Variants in GRK5 observed in about 807,000 individuals in gnomAD.
The protein encoded by GRK5 is g protein-coupled receptor kinase GRK5.
GRK5 carries 40 observed loss-of-function variants against 78.4 expected under a neutral mutation model. That is an observed-to-expected ratio of 0.51 (90% CI 0.40 to 0.66). GRK5 has a LOEUF of 0.66. Among genes scored for constraint, GRK5 ranks in the 30% least tolerant of loss-of-function variants. The pLI, the probability that GRK5 is intolerant of heterozygous loss-of-function variation, is 0.00. For missense variants in GRK5, 598 were observed against 759.9 expected, an observed-to-expected ratio of 0.79 and a Z score of 2.50; for synonymous variants, 289 against 296.8, an observed-to-expected ratio of 0.97 and a Z score of 0.27.
chr10:119,456,203 G>C lies in GRK5; in HGVS notation c.*1136G>C, dbSNP rs1053488930. On this transcript the variant is annotated 3_prime_UTR_variant, in exon 16 of 16. Coordinates refer to ENST00000392870, the MANE Select transcript of GRK5 (RefSeq NM_005308.3). This position sits in a 1 kb window ranked among gnomAD's most constrained non-coding sequence, Gnocchi z 5.5. ...TTGAGACCTTCACAGCCCCATCAAT[G>C]TGCTGGCCCATGTGGCATGGATGGG... is the stretch of plus-strand genomic sequence containing the variant. 1 of 152,180 alleles carries C rather than the reference G, an allele frequency of 6.6e-6. No homozygotes were observed. The highest frequency in any genetic ancestry group is 2.4e-5 in the African/African-American group (1 of 41,410). 9.4% of individuals were successfully genotyped at this position (152,180 alleles called of 1,614,324 possible). A position where few individuals can be genotyped will look rare whatever the true frequency, so the allele number is the denominator to read the frequency against.
At chr10:119,373,011 AG>A (rs1302706906) in intron 2 of GRK5, among the ~76,000 whole-genome samples, 5 of 152,272 alleles carry the variant, frequency 3.3e-5, no homozygotes, top group African/African-American at 1.2e-4. Flanking sequence ...AGAGATGCTT[AG>A]AAACACTCAT....
chr10:119,247,507 A>G (rs573451075), intron 1 of GRK5, among the ~76,000 whole-genome samples: 1 of 152,346 alleles, frequency 6.6e-6, no homozygotes, highest in South Asian at 2.1e-4. Context: ...TTTGTTTACA[A>G]CCGACATCCT....
At position 119,452,648 on chromosome 10, in the gene GRK5, G is replaced by C; in HGVS notation, c.1405-23G>C. 6.2e-7 allele frequency: 1 copy of C among 1,613,508 alleles called. No homozygotes were observed. Among genetic ancestry groups the C allele is most frequent in the South Asian group, 1.1e-5 (1 of 91,044 alleles). ...GGAGCCGCAGGCGGGACATATGTGT[G>C]ACCGGCCCTCTGCCCCTGGCAGCCC... On this transcript the variant is annotated intron_variant, in intron 13 of 15. Coordinates refer to ENST00000392870, the MANE Select transcript of GRK5 (RefSeq NM_005308.3). The surrounding 1 kb of genome is among the most constrained non-coding windows in gnomAD (Gnocchi z 4.4).
chr10:119,358,640 T>G (rs974549739), intron 2 of GRK5, among the ~76,000 whole-genome samples: 15 of 152,156 alleles, frequency 9.9e-5, no homozygotes, highest in African/African-American at 3.6e-4. Flanking sequence ...ACCAGGAAAC[T>G]AAGGCCCAGG....
At chr10:119,382,161 C>T (rs1318141830) in intron 3 of GRK5, among the ~76,000 whole-genome samples, 1 of 127,792 alleles carries the variant, frequency 7.8e-6, no homozygotes, top group Non-Finnish European at 1.8e-5. Context: ...CTCCTTGACC[C>T]TGCCCAGGCC....
chr10:119,282,007 G>A (rs1179014750), intron 1 of GRK5, among the ~76,000 whole-genome samples: 1 of 152,134 alleles, frequency 6.6e-6, no homozygotes, highest in Non-Finnish European at 1.5e-5. Flanking sequence ...CTGGGCATCT[G>A]TCCCTTGCCC....
At chr10:119,369,459 C>T (rs1307058896) in intron 2 of GRK5, among the ~76,000 whole-genome samples, 1 of 152,192 alleles carries the variant, frequency 6.6e-6, no homozygotes, top group Non-Finnish European at 1.5e-5. Flanking sequence ...TGAGCAGCTG[C>T]GCATTCCCCA....
At position 119,423,212 on chromosome 10, in the gene GRK5, C is replaced by T. The variant is rs34679178; in HGVS notation, c.386C>T (p.Thr129Met). The change falls in exon 5 of 16, where the codon ACG becomes ATG. Residue 129 changes from threonine to methionine, a missense_variant. Physicochemically the swap from Thr to Met is moderately conservative, Grantham distance 81 (BLOSUM62 -1). Transcript: ENST00000392870. ...AQVGQDLVSQ[T>M]EEKLLQKPCK... Reference sequence around the variant, plus strand: ...GTTGGCCAAGACCTGGTCTCCCAGACGGAGGAGAAGCTCCTACAGAAGCCG... The same window carrying T: ...GTTGGCCAAGACCTGGTCTCCCAGATGGAGGAGAAGCTCCTACAGAAGCCG... The T allele has an allele frequency of 2.3e-4, 379 of 1,614,114 alleles. 1 individual carries two copies. Among genetic ancestry groups the T allele is most frequent in the Middle Eastern group, 3.3e-4 (2 of 6,062 alleles).
At chr10:119,290,431 T>C (rs1384034021) in intron 1 of GRK5, among the ~76,000 whole-genome samples, 1 of 151,928 alleles carries the variant, frequency 6.6e-6, no homozygotes, top group Non-Finnish European at 1.5e-5. Flanking sequence ...TTATTCTGGT[T>C]CAGTCTCATT....
chr10:119,339,120 A>T (rs896095316), intron 2 of GRK5, among the ~76,000 whole-genome samples: 1 of 152,226 alleles, frequency 6.6e-6, no homozygotes, highest in Admixed American at 6.5e-5. Context: ...GGGGATGGAC[A>T]AAGTGGATGA....
At chr10:119,453,064 A>G (rs1589819126) in intron 14 of GRK5, 81 bp from the exon 15 acceptor site, 1 of 945,890 alleles carries the variant, frequency 1.1e-6, no homozygotes, top group Non-Finnish European at 1.7e-6. Context: ...AGGCCAGGGG[A>G]GGGAGCCCCA....
chr10:119,218,074 T>TTGTGTGTGTGTGTG lies in GRK5; in HGVS notation c.52+10121_52+10134dup, dbSNP rs59742803. ...GCATTTAGAAACCATGTCAACCCGTTTGTGTGTGTGTGTGTGTGTGTGTGT... is the reference window on the plus strand; with the variant it reads ...GCATTTAGAAACCATGTCAACCCGTTTGTGTGTGTGTGTGTGTGTGTGTGTGTGTGTGTGTGTGT... On this transcript the variant is annotated intron_variant, in intron 1 of 15. Coordinates refer to ENST00000392870, the MANE Select transcript of GRK5 (RefSeq NM_005308.3). 9.2e-3 allele frequency among the ~76,000 whole-genome samples: 1,349 copies of TTGTGTGTGTGTGTG among 146,574 alleles called. 5 individuals are homozygous for TTGTGTGTGTGTGTG. Among genetic ancestry groups the TTGTGTGTGTGTGTG allele is most frequent in the Middle Eastern group, 0.021 (6 of 284 alleles).
chr10:119,358,367 C>G (rs1851300220), intron 2 of GRK5, among the ~76,000 whole-genome samples: 1 of 152,182 alleles, frequency 6.6e-6, no homozygotes, highest in Admixed American at 6.5e-5. Context: ...CTGCTCTGAC[C>G]ATGTGATTTG....
At chr10:119,308,277 G>A (rs1016048399) in intron 1 of GRK5, among the ~76,000 whole-genome samples, 8 of 152,070 alleles carry the variant, frequency 5.3e-5, no homozygotes, top group East Asian at 1.9e-4. Flanking sequence ...CCCCAGGCAC[G>A]CCTCACCCTG....
intron 1 of GRK5, among the ~76,000 whole-genome samples, chr10:119,255,961 T>C (rs891649414): frequency 3.9e-5 from 6 of 152,230 alleles, no homozygotes; most frequent in Non-Finnish European, 8.8e-5. Context: ...TTGGGCTATA[T>C]AGTCTCTCAC....
At chr10:119,216,469 A>G (rs1233413018) in intron 1 of GRK5, among the ~76,000 whole-genome samples, 1 of 152,156 alleles carries the variant, frequency 6.6e-6, no homozygotes, top group African/African-American at 2.4e-5. Context: ...TGTTTCCGGC[A>G]TAGAGGTTAC....
In GRK5 at chr10:119,267,833, C is replaced by G. The variant is rs942088557; in HGVS notation, c.53-58683C>G. ...GCTCCCATGTCAGAAGATGGGTCCT[C>G]TCCACCCCAGCTCCTCCACACTCCC... On this transcript the variant is annotated intron_variant, in intron 1 of 15. Transcript: ENST00000392870. This position sits in a 1 kb window ranked among gnomAD's most constrained non-coding sequence, Gnocchi z 4.1. Among the ~76,000 whole-genome samples the G allele has an allele frequency of 2.0e-5, 3 of 152,140 alleles. No individual in the cohort carries two copies. Among genetic ancestry groups the G allele is most frequent in the African/African-American group, 4.8e-5 (2 of 41,432 alleles).
intron 1 of GRK5, among the ~76,000 whole-genome samples, chr10:119,317,819 A>G (rs1404633481): frequency 6.6e-6 from 1 of 152,230 alleles, no homozygotes; most frequent in East Asian, 1.9e-4. Flanking sequence ...TCAGAGAGGA[A>G]GAAATTCCTA....
chr10:119,335,304 A>C (rs546226565), intron 2 of GRK5, among the ~76,000 whole-genome samples: 1 of 151,538 alleles, frequency 6.6e-6, no homozygotes, highest in African/African-American at 2.4e-5. Flanking sequence ...TAATGTTCCT[A>C]TATCAACCTT....
Sources: allele counts gnomAD v4.1 joint callset (sites outside exome capture counted in the v4.1 genomes callset), GRCh38; gene constraint gnomAD v4.1.1; non-coding constraint Gnocchi (gnomAD v3.1); transcripts MANE v1.5; gene names NCBI Gene and HGNC (gene_info 2026-07-23, HGNC 2026-07-21).